Variants in GTF2E2 observed in about 807,000 individuals in gnomAD.
GTF2E2 encodes transcription initiation factor IIE subunit beta.
A neutral mutation model predicts 40.5 loss-of-function variants in GTF2E2; 21 were observed. The ratio of observed to expected loss-of-function variants is 0.52; its 90% CI spans 0.37 to 0.75. GTF2E2 has a LOEUF of 0.75. Ranked by LOEUF, GTF2E2 falls within the 30% of genes least tolerant of loss-of-function variation. The pLI is 0.00. For synonymous variants in GTF2E2, 117 were observed against 121.6 expected, an observed-to-expected ratio of 0.96 and a Z score of 0.25; for missense variants, 298 against 338.4, an observed-to-expected ratio of 0.88 and a Z score of 0.94.
intron 3 of GTF2E2, among the ~76,000 whole-genome samples, chr8:30,625,204 GT>G (rs897946558): frequency 9.9e-5 from 15 of 151,118 alleles, no homozygotes; most frequent in African/African-American, 2.7e-4. Context: ...TTTATTGAGG[GT>G]TTTTTTTTAG....
chr8:30,587,429 A>G (rs1334622772), intron 6 of GTF2E2, among the ~76,000 whole-genome samples: 1 of 151,216 alleles, frequency 6.6e-6, no homozygotes, highest in Non-Finnish European at 1.5e-5. Flanking sequence ...AGAAAAAAAA[A>G]TTATATATAT....
At chr8:30,648,774 C>T (rs1802181187) in intron 2 of GTF2E2, among the ~76,000 whole-genome samples, 1 of 152,200 alleles carries the variant, frequency 6.6e-6, no homozygotes, top group South Asian at 2.1e-4. Context: ...AAGACTTCTA[C>T]CAATCCATGA....
intron 3 of GTF2E2, among the ~76,000 whole-genome samples, chr8:30,625,661 C>G (rs189464819): frequency 6.6e-6 from 1 of 152,074 alleles, no homozygotes; most frequent in East Asian, 1.9e-4. Flanking sequence ...TACAGTGGCA[C>G]GATCTCGGCT....
rs529528108 is a variant in GTF2E2, at chr8:30,633,288, AC to A, written c.258+1743del. Among the ~76,000 whole-genome samples, 20 of 152,310 alleles carry A rather than the reference AC, an allele frequency of 1.3e-4. 1 individual carries two copies. The South Asian group carries it at 3.9e-3, about 30-fold the overall frequency. On this transcript the variant is annotated intron_variant, in intron 3 of 7. Transcript: ENST00000355904. The stretch of plus-strand genomic sequence containing the variant: ...ATTTGGATAAAATTCAAAGGGAGTA[AC>A]AGATGGGACACAAATATTCAAAGAA...
intron 3 of GTF2E2, among the ~76,000 whole-genome samples, chr8:30,621,160 C>T (rs1801089088): frequency 6.6e-6 from 1 of 151,794 alleles, no homozygotes; most frequent in Non-Finnish European, 1.5e-5. Context: ...TTTTTTTCCC[C>T]ATTACAATCA....
chr8:30,631,133 T>C (rs1801428329), intron 3 of GTF2E2, among the ~76,000 whole-genome samples: 1 of 152,132 alleles, frequency 6.6e-6, no homozygotes, highest in Admixed American at 6.5e-5. Context: ...GCTCATGTGA[T>C]TCTCAGCCTC....
At chr8:30,635,542 C>A (rs1008668225) in intron 2 of GTF2E2, among the ~76,000 whole-genome samples, 1 of 152,044 alleles carries the variant, frequency 6.6e-6, no homozygotes, top group Non-Finnish European at 1.5e-5. Flanking sequence ...ACCACCATGC[C>A]TGGCTAATTT....
intron 2 of GTF2E2, among the ~76,000 whole-genome samples, chr8:30,647,273 C>G (rs1387417007): frequency 7.9e-5 from 12 of 152,066 alleles, no homozygotes; most frequent in Non-Finnish European, 1.5e-4. Flanking sequence ...GAGAGGAAAT[C>G]TGTTCTTTTC....
chr8:30,625,431 C>A (rs1354189202), intron 3 of GTF2E2, among the ~76,000 whole-genome samples: 1 of 152,106 alleles, frequency 6.6e-6, no homozygotes, highest in Non-Finnish European at 1.5e-5. Context: ...TAAGGTTCCA[C>A]AAGAAATCGT....
intron 6 of GTF2E2, chr8:30,584,354 G>C (rs944950116): frequency 6.6e-6 from 1 of 152,086 alleles, no homozygotes; most frequent in Non-Finnish European, 1.5e-5. Context: ...TAAAAACCAA[G>C]ATCTACATAT....
intron 5 of GTF2E2, among the ~76,000 whole-genome samples, chr8:30,612,020 ACT>A (rs1829489501): frequency 6.6e-6 from 1 of 152,120 alleles, no homozygotes; most frequent in Non-Finnish European, 1.5e-5. Context: ...TACAAGAGAA[ACT>A]CTATTGCCTT....
intron 6 of GTF2E2, among the ~76,000 whole-genome samples, chr8:30,606,691 T>G (rs1055634388): frequency 6.6e-6 from 1 of 152,176 alleles, no homozygotes; most frequent in Admixed American, 6.5e-5. Flanking sequence ...AGAACACTAT[T>G]CACCAATAAA....
chr8:30,653,328 C>A, intron 2 of GTF2E2, 105 bp downstream of exon 2: 1 of 766,054 alleles, frequency 1.3e-6, no homozygotes. Flanking sequence ...AACAAAGTGC[C>A]TATCAACATG....
intron 3 of GTF2E2, among the ~76,000 whole-genome samples, chr8:30,617,290 G>A (rs932823082): frequency 3.9e-5 from 6 of 152,166 alleles, no homozygotes; most frequent in Non-Finnish European, 7.3e-5. Context: ...TTCATTGAGC[G>A]TTTGCTGTTA....
At chr8:30,650,652 C>T (rs769354053) in intron 2 of GTF2E2, among the ~76,000 whole-genome samples, 8 of 152,054 alleles carry the variant, frequency 5.3e-5, no homozygotes, top group East Asian at 3.9e-4. Flanking sequence ...GCCATGATCA[C>T]GCCAGCAGTG....
chr8:30,604,639 T>C (rs1829270384), intron 6 of GTF2E2, among the ~76,000 whole-genome samples: 1 of 152,248 alleles, frequency 6.6e-6, no homozygotes, highest in Non-Finnish European at 1.5e-5. Flanking sequence ...TTATGTAAGA[T>C]TTAACTACCA....
chr8:30,632,068 CCAATGCACTCTAGCCTAGGTGA>C (rs1477221283), intron 3 of GTF2E2, among the ~76,000 whole-genome samples: 1 of 152,098 alleles, frequency 6.6e-6, no homozygotes, highest in Non-Finnish European at 1.5e-5. Flanking sequence ...CAGGATGGTG[CCAATGCACTCTAGCCTAGGTGA>C]CAGAGTTAAG....
intron 6 of GTF2E2, among the ~76,000 whole-genome samples, chr8:30,592,451 C>A (rs927552986): frequency 6.6e-5 from 10 of 152,192 alleles, no homozygotes; most frequent in African/African-American, 2.4e-4. Context: ...TGATTTCTAG[C>A]CTAATTCCAT....
intron 3 of GTF2E2, among the ~76,000 whole-genome samples, chr8:30,624,937 A>C (rs1227766507): frequency 6.7e-6 from 1 of 149,552 alleles, no homozygotes; most frequent in Non-Finnish European, 1.5e-5. Flanking sequence ...CTAGATATAC[A>C]ATCATGTCAT....
Sources: allele counts gnomAD v4.1 joint callset (sites outside exome capture counted in the v4.1 genomes callset), GRCh38; gene constraint gnomAD v4.1.1; transcripts MANE v1.5; gene names NCBI Gene and HGNC (gene_info 2026-07-23, HGNC 2026-07-21).